The following NBR1 variants were observed in gnomAD, a reference collection of about 807,000 sequenced individuals.
The protein encoded by NBR1 is NBR1 autophagy cargo receptor.
A neutral mutation model predicts 115.5 loss-of-function variants in NBR1; 59 were observed. The observed-to-expected ratio is 0.51, with a 90% CI of 0.41 to 0.63. NBR1 has a LOEUF of 0.63. NBR1 is among the 30% of genes least tolerant of loss of function. The pLI, the probability that NBR1 is intolerant of heterozygous loss-of-function variation, is 0.00. For missense variants in NBR1, 1,043 were observed against 1,150.5 expected (o/e 0.91, Z 1.35); for synonymous variants, 373 against 414.7 (o/e 0.90, Z 1.22).
In NBR1 at chr17:43,190,037, C is replaced by T. The variant is rs2056905828; in HGVS notation, c.695+235C>T. ...TAGCAAAGCCAGGCAAAATTATGTTCCCCTGAACGGACAAAATTAGATCAC... is the reference window on the plus strand; with the variant it reads ...TAGCAAAGCCAGGCAAAATTATGTTTCCCTGAACGGACAAAATTAGATCAC... On this transcript the variant is annotated intron_variant, in intron 8 of 20. Transcript: ENST00000590996. The T allele has an allele frequency of 1.1e-4, 61 of 537,830 alleles. 1 individual carries two copies. In the South Asian group the frequency reaches 1.3e-3, roughly 12 times the overall value. 33.3% of individuals were successfully genotyped at this position (537,830 alleles called of 1,614,324 possible).
intron 18 of NBR1, among the ~76,000 whole-genome samples, chr17:43,202,195 A>AAC (rs1555612581): frequency 1.3e-5 from 2 of 150,708 alleles, no homozygotes; most frequent in Non-Finnish European, 3.0e-5. Context: ...AAAAAAAAAA[A>AAC]AACTTGCCCT....
intron 20 of NBR1, among the ~76,000 whole-genome samples, chr17:43,204,915 G>A (rs913548578): frequency 2.6e-5 from 4 of 151,738 alleles, no homozygotes; most frequent in Non-Finnish European, 4.4e-5. Context: ...TGAGGCTGCC[G>A]TAGTGAGCCA....
At position 43,186,281 on chromosome 17, in the gene NBR1, T is replaced by C; in HGVS notation, c.239T>C (p.Met80Thr). The C allele has an allele frequency of 6.3e-7, 1 of 1,583,576 alleles. No individual in the cohort carries two copies. Among genetic ancestry groups the C allele is most frequent in the Non-Finnish European group, 8.6e-7 (1 of 1,164,890 alleles). ...GTTAAACAGGGAAACCAACTGCAGA[T>C]GCAAGTCCACGAAGGGCACCATGTC... ...MAVKQGNQLQ[M>T]QVHEGHHVVD... is the part of the protein sequence containing the mutation. The change falls in exon 6 of 21, where the codon ATG becomes ACG. Residue 80 changes from methionine (M) to threonine (T), a missense_variant. Transcript: ENST00000590996.
intron 14 of NBR1, chr17:43,195,598 C>G (rs575713608): frequency 6.7e-6 from 1 of 150,328 alleles, no homozygotes; most frequent in Non-Finnish European, 1.4e-5. Context: ...TTGTGGTGAG[C>G]TGAGATTGCA....
At chr17:43,195,124 T>C (rs1056580473) in intron 14 of NBR1, 85 bp downstream of exon 14, 1 of 1,052,844 alleles carries the variant, frequency 9.5e-7, no homozygotes, top group Non-Finnish European at 1.4e-6. Flanking sequence ...TGTTTTATTC[T>C]GAGGAAATGG....
intron 17 of NBR1, among the ~76,000 whole-genome samples, chr17:43,201,275 T>C (rs1180501726): frequency 1.3e-5 from 2 of 152,214 alleles, no homozygotes; most frequent in Non-Finnish European, 2.9e-5. Context: ...AATTAGGAAG[T>C]TAAATCCATT....
rs1163350677 is a variant in NBR1 at position 43,189,664 on chromosome 17, C to T, written c.557C>T (p.Pro186Leu). 2 of 1,614,004 alleles carry T rather than the reference C, an allele frequency of 1.2e-6. No homozygotes were observed. Among genetic ancestry groups the T allele is most frequent in the Non-Finnish European group, 1.7e-6 (2 of 1,179,862 alleles). Reference protein sequence around the residue: ...KLHEKLVLQNPSLGSCPSEVS... With the variant: ...KLHEKLVLQNLSLGSCPSEVS... ...CATGAAAAGCTTGTCCTCCAGAACC[C>T]ATCCTTGGGTTCTTGTCCCTCAGAA... Residue 186 changes from proline (P) to leucine (L), a missense_variant, in exon 8 of 21, where the codon CCA becomes CTA. Pro to Leu is a moderately conservative substitution (Grantham distance 98). Transcript: ENST00000590996.
rs2057401338 is a variant in NBR1 at position 43,210,677 on chromosome 17, G to A, written c.*603G>A. On this transcript the variant is annotated 3_prime_UTR_variant, in exon 21 of 21. Transcript: ENST00000590996. ...TCTAAAGACTCCATGGTGCATTCAA[G>A]AGTATCCAACTTCAAGGGAATCTCC... 6 of 398,500 alleles carry A rather than the reference G, an allele frequency of 1.5e-5. No individual in the cohort carries two copies. Among genetic ancestry groups the A allele is most frequent in the Non-Finnish European group, 2.7e-5 (6 of 226,050 alleles). The allele number at this position is 398,500 out of a possible 1,614,324, so 24.7% of individuals were successfully genotyped here. A position where few individuals can be genotyped will look rare whatever the true frequency, so the allele number is the denominator to read the frequency against.
At chr17:43,187,886 CTTTTTTTT>C (rs66857389) in intron 6 of NBR1, among the ~76,000 whole-genome samples, 16 of 58,912 alleles carry the variant, frequency 2.7e-4, no homozygotes, top group Admixed American at 1.3e-3. Context: ...TTGCATTTCT[CTTTTTTTT>C]TTTTTTTTTT....
intron 9 of NBR1, 89 bp downstream of exon 9, chr17:43,190,865 C>T: frequency 7.8e-7 from 1 of 1,288,296 alleles, no homozygotes; most frequent in African/African-American, 1.5e-5. Context: ...CAGATAGTCT[C>T]CTTAGTTCTG....
chr17:43,177,991 A>C lies in NBR1; in HGVS notation c.158A>C (p.Asn53Thr), dbSNP rs768134759. The change falls in exon 3 of 21, where the codon AAT becomes ACT. Residue 53 changes from asparagine to threonine, a missense_variant. Transcript: ENST00000590996. Reference protein sequence around the residue: ...TIQIKYLDEENEEVSINSQGE... With the variant: ...TIQIKYLDEETEEVSINSQGE... The stretch of plus-strand genomic sequence containing the variant: ...CAAATAAAATACCTGGATGAGGAAA[A>C]TGAAGAGGTAAAATATATTATGGCA... 5 of 1,571,206 alleles carry C rather than the reference A, an allele frequency of 3.2e-6. No individual in the cohort carries two copies. The Admixed American group carries it at 8.6e-5, about 27-fold the overall frequency.
chr17:43,200,662 A>C (rs2057178495), intron 17 of NBR1, 54 bp downstream of exon 17: 1 of 1,495,332 alleles, frequency 6.7e-7, no homozygotes, highest in Non-Finnish European at 9.1e-7. Context: ...AAATAAAGAG[A>C]GGAATCGACC....
At chr17:43,192,019 G>GC (rs2056959565) in intron 10 of NBR1, among the ~76,000 whole-genome samples, 1 of 71,578 alleles carries the variant, frequency 1.4e-5, no homozygotes, top group Non-Finnish European at 2.9e-5. Flanking sequence ...ACAGCACCCG[G>GC]CTTTTTTTTT....
At chr17:43,189,140 G>A in intron 7 of NBR1, 21 bp downstream of exon 7, 1 of 1,558,414 alleles carries the variant, frequency 6.4e-7, no homozygotes, top group Non-Finnish European at 8.9e-7. Flanking sequence ...TGTCTCGCTT[G>A]GGTTTTAACT....
At chr17:43,170,444 T>C (rs570898825), upstream of NBR1, 1 of 154,124 alleles carries the variant, frequency 6.5e-6, no homozygotes, top group Admixed American at 6.5e-5. Context: ...GCCCGCCCTC[T>C]CGCCTCTACG....
rs1212652421 is a variant in NBR1, at chr17:43,211,670, A to G, written c.*1596A>G. On this transcript the variant is annotated 3_prime_UTR_variant, in exon 21 of 21. Coordinates refer to ENST00000590996, the MANE Select transcript of NBR1 (RefSeq NM_005899.5). ...AACCACCTAAAGAATGGTGAAATAA[A>G]TGTTCTTGGAAATTCCTACCCGGAC... 1.3e-5 allele frequency: 2 copies of G among 151,958 alleles called. No homozygotes were observed. The highest frequency in any genetic ancestry group is 6.6e-5 in the Admixed American group (1 of 15,224). The allele number at this position is 151,958 out of a possible 1,614,324, so 9.4% of individuals were successfully genotyped here.
intron 1 of NBR1, among the ~76,000 whole-genome samples, chr17:43,173,529 C>T (rs1469440874): frequency 6.6e-6 from 1 of 152,170 alleles, no homozygotes; most frequent in Non-Finnish European, 1.5e-5. Flanking sequence ...AAACGATCTG[C>T]CTGCCTCTGC....
At chr17:43,197,247 T>C in intron 16 of NBR1, 141 bp downstream of exon 16, 1 of 883,256 alleles carries the variant, frequency 1.1e-6, no homozygotes, top group South Asian at 1.7e-5. Flanking sequence ...TGGCGGGGCG[T>C]GGTGGCTCAA....
intron 18 of NBR1, 39 bp from the exon 19 acceptor site, chr17:43,202,616 A>G: frequency 6.7e-7 from 1 of 1,495,706 alleles, no homozygotes; most frequent in Non-Finnish European, 9.1e-7. Flanking sequence ...GTAGGTGCTT[A>G]TGGATGCTGC....
Sources: allele counts gnomAD v4.1 joint callset (sites outside exome capture counted in the v4.1 genomes callset), GRCh38; gene constraint gnomAD v4.1.1; transcripts MANE v1.5; gene names NCBI Gene and HGNC (gene_info 2026-07-23, HGNC 2026-07-21).